DLAT: variants seen among roughly 807,000 people sequenced by gnomAD.
DLAT encodes the protein dihydrolipoyllysine-residue acetyltransferase component of pyruvate dehydrogenase complex, mitochondrial.
A neutral mutation model predicts 68.0 loss-of-function variants in DLAT; 43 were observed. That is an observed-to-expected ratio of 0.63 (90% CI 0.50 to 0.81). The LOEUF (loss-of-function observed/expected upper bound fraction) is 0.81, where lower values mean the gene tolerates loss of function less well. Ranked by LOEUF, DLAT falls within the 40% of genes least tolerant of loss-of-function variation. The pLI is 0.00. For synonymous variants in DLAT, 265 were observed against 288.6 expected (o/e 0.92, Z 0.83); for missense variants, 745 against 815.4 (o/e 0.91, Z 1.05).
In DLAT at chr11:112,051,097, G is replaced by A. The variant is rs1426291935; in HGVS notation, c.1399-137G>A. 1.6e-6 allele frequency: 1 copy of A among 622,400 alleles called. No individual in the cohort carries two copies. Among genetic ancestry groups the A allele is most frequent in the Non-Finnish European group, 2.8e-6 (1 of 359,080 alleles). 38.6% of individuals were successfully genotyped at this position (622,400 alleles called of 1,614,324 possible). ...GTGAGGCCTAATACCTGGGTGATGG[G>A]TTGACAGGTGCAGCAAACCACCATG... On this transcript the variant is annotated intron_variant, in intron 10 of 13. Coordinates refer to ENST00000280346, the MANE Select transcript of DLAT (RefSeq NM_001931.5). The surrounding 1 kb of genome is among the most constrained non-coding windows in gnomAD (Gnocchi z 4.3).
chr11:112,062,571 C>G lies in DLAT; in HGVS notation c.*36C>G, dbSNP rs587683261. On this transcript the variant is annotated 3_prime_UTR_variant, in exon 14 of 14. Coordinates refer to ENST00000280346, the MANE Select transcript of DLAT (RefSeq NM_001931.5). The stretch of plus-strand genomic sequence containing the variant: ...AATTTCTAAACTCTCCCAGGTCACA[C>G]TGATTCATTCTTAACAAGATATTTA... 4.3e-5 allele frequency: 69 copies of G among 1,604,976 alleles called. No homozygotes were observed. The Middle Eastern group carries it at 8.9e-4, about 21-fold the overall frequency.
Position 112,025,531 on chromosome 11 carries a change from C to T in DLAT, c.59C>T (p.Ala20Val). Residue 20 changes from alanine to valine, a missense_variant, in exon 1 of 14, where the codon GCT becomes GTT. Transcript: ENST00000280346. ...QNVAPWAGLEARWTALQEVPG... is the reference protein window; with the variant it reads ...QNVAPWAGLEVRWTALQEVPG... ...GTAGCCCCATGGGCGGGACTCGAGG[C>T]TCGGTGGACGGCCTTGCAGGAGGTA... The T allele has an allele frequency of 1.2e-6, 2 of 1,614,008 alleles. No individual in the cohort carries two copies. The highest frequency in any genetic ancestry group is 1.7e-6 in the Non-Finnish European group (2 of 1,179,998).
chr11:112,062,177 A>G (rs1864675187), intron 13 of DLAT, among the ~76,000 whole-genome samples: 1 of 152,178 alleles, frequency 6.6e-6, no homozygotes, highest in Non-Finnish European at 1.5e-5. Context: ...ATCTTTACCT[A>G]ATAAAAACAG....
At chr11:112,034,450 T>A (rs1290773681) in intron 5 of DLAT, among the ~76,000 whole-genome samples, 1 of 150,848 alleles carries the variant, frequency 6.6e-6, no homozygotes, top group African/African-American at 2.4e-5. Context: ...ATTATTATTT[T>A]TTTTTTTTTT....
At position 112,062,954 on chromosome 11, in the gene DLAT, A is replaced by G. The variant is rs9371; in HGVS notation, c.*419A>G. 82,165 of 165,156 alleles carry G rather than the reference A, an allele frequency of 0.5. 22,935 individuals carry two copies. The highest frequency in any genetic ancestry group is 0.78 in the African/African-American group (32,389 of 41,688). The allele number at this position is 165,156 out of a possible 1,614,324, so 10.2% of individuals were successfully genotyped here. A position where few individuals can be genotyped will look rare whatever the true frequency, so the allele number is the denominator to read the frequency against. On this transcript the variant is annotated 3_prime_UTR_variant, in exon 14 of 14. Coordinates refer to ENST00000280346, the MANE Select transcript of DLAT (RefSeq NM_001931.5). ...TAGATGTGAGAGAAAGAGAAATCAGAAAAATTAATTCTCTTGGGGGAAGGG... is the reference window on the plus strand; with the variant it reads ...TAGATGTGAGAGAAAGAGAAATCAGGAAAATTAATTCTCTTGGGGGAAGGG...
intron 4 of DLAT, among the ~76,000 whole-genome samples, chr11:112,032,851 T>C (rs1232900436): frequency 6.6e-6 from 1 of 152,128 alleles, no homozygotes; most frequent in African/African-American, 2.4e-5. Flanking sequence ...GGATTACTTG[T>C]GGATGGGCGT....
chr11:112,051,166 C>T lies in DLAT; in HGVS notation c.1399-68C>T. The T allele has an allele frequency of 5.5e-6, 6 of 1,091,748 alleles. No individual in the cohort carries two copies. Among genetic ancestry groups the T allele is most frequent in the Admixed American group, 1.9e-5 (1 of 51,808 alleles). 67.6% of individuals were successfully genotyped at this position (1,091,748 alleles called of 1,614,324 possible). A position where few individuals can be genotyped will look rare whatever the true frequency, so the allele number is the denominator to read the frequency against. On this transcript the variant is annotated intron_variant, in intron 10 of 13. Coordinates refer to ENST00000280346, the MANE Select transcript of DLAT (RefSeq NM_001931.5). This position sits in a 1 kb window ranked among gnomAD's most constrained non-coding sequence, Gnocchi z 4.3. ...AATAAACCTGGACATTCTGCACATG[C>T]ACCCTGAAACTTAAAATTAAAATTA...
chr11:112,060,807 TA>T (rs1225473961), intron 12 of DLAT, among the ~76,000 whole-genome samples: 1 of 152,184 alleles, frequency 6.6e-6, no homozygotes, highest in Non-Finnish European at 1.5e-5. Context: ...GAAAATAAAG[TA>T]AAATTCAATC....
At chr11:112,059,682 C>G (rs1004719375) in intron 11 of DLAT, among the ~76,000 whole-genome samples, 16 of 152,138 alleles carry the variant, frequency 1.1e-4, no homozygotes, top group Non-Finnish European at 1.9e-4. Flanking sequence ...CATGAGCCAC[C>G]GTTCCCGGAC....
chr11:112,029,386 G>A (rs1388073750), intron 4 of DLAT, among the ~76,000 whole-genome samples: 1 of 152,142 alleles, frequency 6.6e-6, no homozygotes, highest in Admixed American at 6.5e-5. Flanking sequence ...AAGAAGCAGG[G>A]CGCCAGCATC....
At chr11:112,048,305 T>G (rs1276116259) in intron 10 of DLAT, among the ~76,000 whole-genome samples, 1 of 152,224 alleles carries the variant, frequency 6.6e-6, no homozygotes. Context: ...TTGTGATTTT[T>G]GCACATTGAT....
Position 112,061,154 on chromosome 11 carries a change from C to G in DLAT, c.1794C>G (p.Val598=). 6.2e-7 allele frequency: 1 copy of G among 1,614,032 alleles called. No homozygotes were observed. Among genetic ancestry groups the G allele is most frequent in the Non-Finnish European group, 8.5e-7 (1 of 1,180,016 alleles). ...LAIGASEDKL[V]PADNEKGFDV... ...TTGGTGCTTCAGAGGATAAACTGGT[C>G]CCTGCAGATAATGAAAAAGGGTAAG... The change falls in exon 13 of 14, where the codon GTC becomes GTG. Residue 598 remains valine (V), a synonymous_variant. Transcript: ENST00000280346.
At chr11:112,028,374 G>A (rs1862199316) in intron 2 of DLAT, 141 bp from the exon 3 acceptor site, 2 of 931,820 alleles carry the variant, frequency 2.1e-6, no homozygotes, top group East Asian at 2.6e-5. Context: ...AGCCGAGATT[G>A]CACCACTGCA....
rs77412970 is a variant in DLAT, at chr11:112,057,057, T to C, written c.1515-2846T>C. ...TCAAACTTTATTATTGTATCTGTTA[T>C]GGTGACCTGTGATCAAGGATCTTTG... is the stretch of plus-strand genomic sequence containing the variant. On this transcript the variant is annotated intron_variant, in intron 11 of 13. Coordinates refer to ENST00000280346, the MANE Select transcript of DLAT (RefSeq NM_001931.5). Among the ~76,000 whole-genome samples, 976 of 152,350 alleles carry C rather than the reference T, an allele frequency of 6.4e-3. 11 individuals carry two copies. Among genetic ancestry groups the C allele is most frequent in the Middle Eastern group, 0.02 (6 of 294 alleles).
intron 7 of DLAT, among the ~76,000 whole-genome samples, chr11:112,042,323 G>T (rs1198590284): frequency 6.6e-6 from 1 of 152,200 alleles, no homozygotes. Context: ...TGGTACTATG[G>T]ATTTCCTCCT....
chr11:112,040,046 A>G (rs1323712133), intron 7 of DLAT, among the ~76,000 whole-genome samples: 1 of 152,246 alleles, frequency 6.6e-6, no homozygotes, highest in Non-Finnish European at 1.5e-5. Flanking sequence ...TGTACATCGT[A>G]TAGATTGTGA....
intron 8 of DLAT, among the ~76,000 whole-genome samples, 154 bp from the exon 9 acceptor site, chr11:112,044,984 A>G (rs587602991): frequency 7.9e-5 from 12 of 151,754 alleles, no homozygotes; most frequent in African/African-American, 2.9e-4. Flanking sequence ...GCAGTGAACC[A>G]TGATTGAGCC....
chr11:112,035,734 GC>G (rs1298385348), intron 5 of DLAT, among the ~76,000 whole-genome samples: 3 of 318 alleles, frequency 9.4e-3, no homozygotes, highest in Non-Finnish European at 0.022. Flanking sequence ...TGATCTGACT[GC>G]CTTGTGCCTC....
chr11:112,035,337 T>C (rs1862644460), intron 5 of DLAT, among the ~76,000 whole-genome samples: 1 of 152,206 alleles, frequency 6.6e-6, no homozygotes, highest in Non-Finnish European at 1.5e-5. Flanking sequence ...GGATTCTGTT[T>C]CTTAAAAACA....
Sources: gnomAD v4.1 joint callset for allele counts (sites outside exome capture counted in the v4.1 genomes callset) on GRCh38, gnomAD v4.1.1 for gene constraint, Gnocchi (gnomAD v3.1) non-coding constraint, MANE v1.5 for transcripts, NCBI Gene and HGNC (gene_info 2026-07-23, HGNC 2026-07-21) for gene names.